Variants in SASH1 observed in about 807,000 individuals in gnomAD.
SASH1 encodes SAM and SH3 domain containing 1.
A neutral mutation model predicts 125.2 loss-of-function variants in SASH1; 44 were observed. The ratio of observed to expected loss-of-function variants is 0.35; its 90% CI spans 0.28 to 0.45. SASH1 has a LOEUF of 0.45. Among genes scored for constraint, SASH1 ranks in the 20% least tolerant of loss-of-function variants. The probability of loss-of-function intolerance (pLI) is 1.00; values close to 1 mark genes in which losing one functional copy is unlikely to be tolerated. For missense variants in SASH1, 1,426 were observed against 1,614.5 expected, an observed-to-expected ratio of 0.88 and a Z score of 2.00; for synonymous variants, 639 against 649.1, an observed-to-expected ratio of 0.98 and a Z score of 0.24.
intron 8 of SASH1, among the ~76,000 whole-genome samples, chr6:148,506,048 C>T (rs1379986303): frequency 6.6e-6 from 1 of 151,088 alleles, no homozygotes; most frequent in South Asian, 2.1e-4. Context: ...GGATTACAGG[C>T]GTGAGCCACC....
At chr6:148,279,743 C>G (rs1779284225) in intron 1 of SASH1, among the ~76,000 whole-genome samples, 5 of 152,084 alleles carry the variant, frequency 3.3e-5, no homozygotes, top group Admixed American at 3.3e-4. Context: ...ACCTGAAATC[C>G]TAGCACTTTG....
At chr6:148,288,587 C>T (rs981196347) in intron 1 of SASH1, among the ~76,000 whole-genome samples, 6 of 152,126 alleles carry the variant, frequency 3.9e-5, no homozygotes, top group Admixed American at 6.6e-5. Context: ...GCTTGCTATT[C>T]CTGACTTCAA....
At chr6:148,419,220 A>G (rs1012721706) in intron 2 of SASH1, among the ~76,000 whole-genome samples, 3 of 152,232 alleles carry the variant, frequency 2.0e-5, no homozygotes, top group African/African-American at 7.2e-5. Flanking sequence ...CAAAACGTAT[A>G]GGTAGAATAT....
chr6:148,478,515 T>A (rs1437642451), intron 7 of SASH1, among the ~76,000 whole-genome samples: 1 of 152,174 alleles, frequency 6.6e-6, no homozygotes, highest in East Asian at 1.9e-4. Flanking sequence ...AGAATGATGG[T>A]TACCAGAGCC....
At chr6:148,387,676 CTTTCTT>C (rs1562371718) in intron 1 of SASH1, among the ~76,000 whole-genome samples, 9 of 91,892 alleles carry the variant, frequency 9.8e-5, no homozygotes, top group Non-Finnish European at 2.1e-5. Context: ...TTCTTTCTTT[CTTTCTT>C]TCTTTCTTTC....
chr6:148,269,949 A>G (rs948784400), upstream of SASH1, among the ~76,000 whole-genome samples: 2 of 152,210 alleles, frequency 1.3e-5, no homozygotes, highest in Admixed American at 1.3e-4. Context: ...AAGTGTGAAA[A>G]TGATCATCTC....
chr6:148,548,326 G>A lies in SASH1; in HGVS notation c.3512G>A (p.Arg1171Gln), dbSNP rs143577116. Residue 1171 changes from arginine (R) to glutamine (Q), a missense_variant, in exon 20 of 20, where the codon CGA (arginine) becomes CAA (glutamine). Physicochemically the swap from Arg to Gln is conservative, Grantham distance 43. Transcript: ENST00000367467. ...AGTGGTGGACTCACGGAAATCTGCC[G>A]AAAGCCCGTCTCTCCTGGGTGCATT... ...IPSGGLTEIC[R>Q]KPVSPGCISS... 2.0e-3 allele frequency: 3,296 copies of A among 1,613,408 alleles called. 7 individuals carry two copies. The highest frequency in any genetic ancestry group is 2.7e-3 in the Non-Finnish European group (3,133 of 1,179,746).
intron 1 of SASH1, among the ~76,000 whole-genome samples, chr6:148,272,562 G>T (rs973502102): frequency 6.6e-6 from 1 of 152,082 alleles, no homozygotes; most frequent in South Asian, 2.1e-4. Context: ...GACTGCTTCG[G>T]AATTCCTTCA....
At chr6:148,314,475 A>G (rs1483436915) in intron 1 of SASH1, among the ~76,000 whole-genome samples, 3 of 152,204 alleles carry the variant, frequency 2.0e-5, no homozygotes, top group African/African-American at 4.8e-5. Flanking sequence ...AAAACAATTT[A>G]TATGGTAATG....
chr6:148,546,280 A>G, intron 19 of SASH1, 134 bp downstream of exon 19: 1 of 1,008,156 alleles, frequency 9.9e-7, no homozygotes, highest in South Asian at 1.7e-5. Context: ...AGAAAGTAAT[A>G]TGTGGTCAGC....
At chr6:148,524,121 A>ATATATATATATATATATATATATTT (rs1193506716) in intron 10 of SASH1, among the ~76,000 whole-genome samples, 4 of 128,602 alleles carry the variant, frequency 3.1e-5, no homozygotes, top group Non-Finnish European at 6.6e-5. Context: ...ATATATATAT[A>ATATATATATATATATATATATATTT]TTTTTTTTAA....
chr6:148,196,680 G>C, the SASH1 span, among the ~76,000 whole-genome samples: 3 of 152,200 alleles, frequency 2.0e-5, no homozygotes, highest in South Asian at 6.2e-4. Flanking sequence ...ACGTGATCTT[G>C]ACTCAGGAAG....
chr6:148,288,682 C>T (rs374346856), intron 1 of SASH1, among the ~76,000 whole-genome samples: 101 of 64,840 alleles, frequency 1.6e-3, no homozygotes, highest in African/African-American at 5.7e-3. Flanking sequence ...GGAATACACA[C>T]GTGTATGTAC....
intron 1 of SASH1, among the ~76,000 whole-genome samples, chr6:148,350,524 G>A (rs1020700516): frequency 1.9e-4 from 29 of 152,160 alleles, no homozygotes; most frequent in Admixed American, 1.3e-3. Context: ...TTGCAAATCC[G>A]TAGCTCAATT....
rs1245065060 is a variant in SASH1 at position 148,533,605 on chromosome 6, TCA to T, written c.1735-163_1735-162del. Among the ~76,000 whole-genome samples, 1 of 152,098 alleles carries T rather than the reference TCA, an allele frequency of 6.6e-6. No individual in the cohort carries two copies. Among genetic ancestry groups the T allele is most frequent in the Non-Finnish European group, 1.5e-5 (1 of 68,018 alleles). ...GACACCTGTCTGGCCTCTGCGGAGC[TCA>T]CAGTCACATCCTATGCAGGTCACTC... On this transcript the variant is annotated intron_variant, in intron 14 of 19. Transcript: ENST00000367467. The surrounding 1 kb of genome is among the most constrained non-coding windows in gnomAD (Gnocchi z 6.2).
intron 2 of SASH1, among the ~76,000 whole-genome samples, chr6:148,401,427 G>C (rs572236958): frequency 5.9e-5 from 9 of 152,084 alleles, no homozygotes; most frequent in Non-Finnish European, 1.2e-4. Flanking sequence ...TCTCAAAAAA[G>C]AAAATTAAGT....
chr6:148,323,681 G>C (rs918147925), intron 1 of SASH1, among the ~76,000 whole-genome samples: 2 of 152,174 alleles, frequency 1.3e-5, no homozygotes, highest in Non-Finnish European at 2.9e-5. Flanking sequence ...CAGAGATGCA[G>C]AGGAGGCTGA....
In SASH1 at chr6:148,506,004, C is replaced by T. The variant is rs540214134; in HGVS notation, c.730-8320C>T. Among the ~76,000 whole-genome samples the T allele has an allele frequency of 8.2e-4, 122 of 149,304 alleles. 1 individual carries two copies. Among genetic ancestry groups the T allele is most frequent in the African/African-American group, 2.4e-3 (99 of 40,682 alleles). ...CAGGATGGTCTCGATCTCCTGAGCT[C>T]GTGATCTGCCCACCTCGGCCTCCCA... On this transcript the variant is annotated intron_variant, in intron 8 of 19. Coordinates refer to ENST00000367467, the MANE Select transcript of SASH1 (RefSeq NM_015278.5).
chr6:148,426,905 C>T (rs901632636), intron 2 of SASH1, among the ~76,000 whole-genome samples: 2 of 152,066 alleles, frequency 1.3e-5, no homozygotes, highest in East Asian at 3.9e-4. Flanking sequence ...GAGGCTGAGG[C>T]GGCTGGTCAC....
Sources: allele counts gnomAD v4.1 joint callset (sites outside exome capture counted in the v4.1 genomes callset), GRCh38; gene constraint gnomAD v4.1.1; non-coding constraint Gnocchi (gnomAD v3.1); transcripts MANE v1.5; gene names NCBI Gene and HGNC (gene_info 2026-07-23, HGNC 2026-07-21).